SUSD4: variants seen among roughly 807,000 people sequenced by gnomAD.
SUSD4 encodes sushi domain containing 4.
In SUSD4, 41 loss-of-function variants were observed where a neutral mutation model predicts 50.5. That is an observed-to-expected ratio of 0.81 (90% confidence interval 0.63 to 1.05). SUSD4 has a LOEUF of 1.05. Ranked by LOEUF, SUSD4 falls within the 50% of genes least tolerant of loss-of-function variation. SUSD4 has a pLI of 0.00. For missense variants in SUSD4, 580 were observed against 634.7 expected, an observed-to-expected ratio of 0.91 and a Z score of 0.93; for synonymous variants, 257 against 257.3, an observed-to-expected ratio of 1.00 and a Z score of 0.01.
intron 2 of SUSD4, among the ~76,000 whole-genome samples, chr1:223,333,911 A>C (rs2103279138): frequency 6.6e-6 from 1 of 152,242 alleles, no homozygotes; most frequent in Non-Finnish European, 1.5e-5. Context: ...AGCCCTATAG[A>C]TGTGGACATT....
chr1:223,287,615 G>A (rs1300288753), intron 3 of SUSD4, among the ~76,000 whole-genome samples: 1 of 152,072 alleles, frequency 6.6e-6, no homozygotes, highest in Non-Finnish European at 1.5e-5. Context: ...TGGTTTTAAG[G>A]TGTTCTCAGA....
chr1:223,243,115 TGGCTCCA>T (rs1014432767), intron 5 of SUSD4, among the ~76,000 whole-genome samples: 4 of 152,058 alleles, frequency 2.6e-5, no homozygotes, highest in South Asian at 2.1e-4. Context: ...GGGAGCCCTG[TGGCTCCA>T]GGCTCCAGGC....
At chr1:223,224,657 C>G (rs1659378015) in intron 7 of SUSD4, among the ~76,000 whole-genome samples, 1 of 152,126 alleles carries the variant, frequency 6.6e-6, no homozygotes, top group South Asian at 2.1e-4. Flanking sequence ...GTCTGCATGT[C>G]TGCAGGGCTC....
chr1:223,291,214 C>T (rs569624657), intron 3 of SUSD4, among the ~76,000 whole-genome samples: 14 of 152,096 alleles, frequency 9.2e-5, no homozygotes, highest in Non-Finnish European at 1.6e-4. Context: ...TTATCACGGC[C>T]GGGTGCCGTG....
chr1:223,363,158 T>A (rs1176503306), intron 2 of SUSD4, 120 bp downstream of exon 2: 1 of 1,211,328 alleles, frequency 8.3e-7, no homozygotes, highest in Admixed American at 3.4e-5. Context: ...CACCCTCGCG[T>A]TGTCAGATCC....
chr1:223,328,200 A>G (rs1666983279), intron 2 of SUSD4, among the ~76,000 whole-genome samples: 2 of 152,232 alleles, frequency 1.3e-5, no homozygotes, highest in Non-Finnish European at 2.9e-5. Context: ...TAGTAACAAC[A>G]TCTTACATTT....
Position 223,229,131 on chromosome 1 carries a change from C to G in SUSD4, c.916+66G>C. 2.0e-6 allele frequency: 3 copies of G among 1,480,388 alleles called. No individual in the cohort carries two copies. The highest frequency in any genetic ancestry group is 2.8e-6 in the Non-Finnish European group (3 of 1,086,352). 91.7% of individuals were successfully genotyped at this position (1,480,388 alleles called of 1,614,324 possible). A position where few individuals can be genotyped will look rare whatever the true frequency, so the allele number is the denominator to read the frequency against. On this transcript the variant is annotated intron_variant, in intron 6 of 8. Transcript: ENST00000366878. The surrounding 1 kb of genome is among the most constrained non-coding windows in gnomAD (Gnocchi z 4.7). ...GAGATACAGCTTGGTACATAACCAC[C>G]ACCCACTATGTGCAGATGGTCCAAG...
chr1:223,334,515 C>A (rs1311536358), intron 2 of SUSD4, among the ~76,000 whole-genome samples: 1 of 152,048 alleles, frequency 6.6e-6, no homozygotes, highest in Non-Finnish European at 1.5e-5. Context: ...AATGAAGAGA[C>A]CCCATACCAT....
chr1:223,295,853 A>C (rs1664787422), intron 2 of SUSD4, among the ~76,000 whole-genome samples: 1 of 152,000 alleles, frequency 6.6e-6, no homozygotes, highest in Non-Finnish European at 1.5e-5. Context: ...AAAAAAAAAA[A>C]AGACTGAGAG....
At chr1:223,323,662 GA>G (rs1446772803) in intron 2 of SUSD4, among the ~76,000 whole-genome samples, 1 of 152,162 alleles carries the variant, frequency 6.6e-6, no homozygotes, top group East Asian at 1.9e-4. Context: ...GTCTGCCAGT[GA>G]CTGTGCCAAG....
intron 2 of SUSD4, among the ~76,000 whole-genome samples, chr1:223,341,054 G>A (rs924544749): frequency 1.3e-5 from 2 of 152,172 alleles, no homozygotes; most frequent in Non-Finnish European, 2.9e-5. Flanking sequence ...TCCTCCTCTC[G>A]AAACAGATAC....
intron 5 of SUSD4, among the ~76,000 whole-genome samples, chr1:223,248,354 C>A (rs891626738): frequency 6.6e-6 from 1 of 152,174 alleles, no homozygotes; most frequent in Non-Finnish European, 1.5e-5. Flanking sequence ...CCATATTGTA[C>A]AGAACCACCC....
intron 5 of SUSD4, among the ~76,000 whole-genome samples, chr1:223,248,897 CGAAGCCACAAG>C (rs1230422266): frequency 6.6e-6 from 1 of 152,066 alleles, no homozygotes; most frequent in Non-Finnish European, 1.5e-5. Context: ...TGCCTAGTTT[CGAAGCCACAAG>C]GAAGCCACAG....
chr1:223,310,879 G>C lies in SUSD4; in HGVS notation c.149-18228C>G, dbSNP rs370911412. 3.9e-5 allele frequency among the ~76,000 whole-genome samples: 6 copies of C among 152,312 alleles called. No individual in the cohort carries two copies. In the East Asian group the frequency reaches 9.7e-4, roughly 25 times the overall value. On this transcript the variant is annotated intron_variant, in intron 2 of 8. Transcript: ENST00000366878. ...GCCTCTAGAGGCATGTGGCACAGAG[G>C]ACTAGCTGTGTTTTGGTGGGTATTA...
In SUSD4 at chr1:223,225,351, C is replaced by T. The variant is rs185629877; in HGVS notation, c.1062-1720G>A. ...GGGTGGAGGGGAAGCACAGGCTGTG[C>T]GTCTCTCTAAAGCTCAAGTCCACTG... On this transcript the variant is annotated intron_variant, in intron 7 of 8. Coordinates refer to ENST00000366878, the MANE Select transcript of SUSD4 (RefSeq NM_017982.4). Among the ~76,000 whole-genome samples, 846 of 152,230 alleles carry T rather than the reference C, an allele frequency of 5.6e-3. 7 individuals are homozygous for T. Among genetic ancestry groups the T allele is most frequent in the African/African-American group, 0.019 (793 of 41,524 alleles).
intron 2 of SUSD4, among the ~76,000 whole-genome samples, chr1:223,314,638 C>T (rs774586461): frequency 1.7e-4 from 26 of 152,164 alleles, no homozygotes; most frequent in South Asian, 4.2e-4. Context: ...GGGTCTTTCC[C>T]GTGCTATTCT....
rs1032299157 is a variant in SUSD4 at position 223,252,220 on chromosome 1, A to T, written c.724+12410T>A. Among the ~76,000 whole-genome samples the T allele has an allele frequency of 7.2e-4, 58 of 80,058 alleles. 1 individual carries two copies. The highest frequency in any genetic ancestry group is 1.2e-3 in the South Asian group (3 of 2,560). 52.5% of individuals were successfully genotyped at this position (80,058 alleles called of 152,430 possible). A position where few individuals can be genotyped will look rare whatever the true frequency, so the allele number is the denominator to read the frequency against. ...GTACCCTAGAACTTAAAGTATAATT[A>T]AAAAAAAAAAAAAAAAATATATATA... On this transcript the variant is annotated intron_variant, in intron 5 of 8. Transcript: ENST00000366878.
intron 2 of SUSD4, among the ~76,000 whole-genome samples, chr1:223,293,993 G>A (rs1340764733): frequency 6.6e-6 from 1 of 151,978 alleles, no homozygotes; most frequent in African/African-American, 2.4e-5. Flanking sequence ...AAGCCACAGC[G>A]AGGGCCAGGG....
chr1:223,289,556 T>C (rs927409231), intron 3 of SUSD4, among the ~76,000 whole-genome samples: 1 of 152,212 alleles, frequency 6.6e-6, no homozygotes. Flanking sequence ...TTAATGGATA[T>C]GAACTTAGTT....
Sources: gnomAD v4.1 joint callset for allele counts (sites outside exome capture counted in the v4.1 genomes callset) on GRCh38, gnomAD v4.1.1 for gene constraint, Gnocchi (gnomAD v3.1) non-coding constraint, MANE v1.5 for transcripts, NCBI Gene and HGNC (gene_info 2026-07-23, HGNC 2026-07-21) for gene names.